NLGN4Y: variants seen among roughly 807,000 people sequenced by gnomAD.
NLGN4Y encodes neuroligin 4 Y-linked.
In NLGN4Y, 4 loss-of-function variants were observed where a neutral mutation model predicts 8.4. The observed-to-expected ratio is 0.48, with a 90% CI of 0.23 to 1.09. The LOEUF is 1.09. NLGN4Y is among the 50% of genes least tolerant of loss of function. The probability of loss-of-function intolerance (pLI) is 0.19; values close to 1 mark genes in which losing one functional copy is unlikely to be tolerated. For synonymous variants in NLGN4Y, 35 were observed against 75.6 expected, an observed-to-expected ratio of 0.46 and a Z score of 2.78; for missense variants, 90 against 192.3, an observed-to-expected ratio of 0.47 and a Z score of 3.15.
At chrY:14,809,931 A>G in intron 4 of NLGN4Y, among the ~76,000 whole-genome samples, 2 of 33,658 alleles carry the variant, frequency 5.9e-5, no homozygotes, top group South Asian at 6.7e-4. Flanking sequence ...AAAGATTTTC[A>G]TAGAAAAACC....
chrY:14,549,993 G>A, intron 1 of NLGN4Y, among the ~76,000 whole-genome samples: 1 of 33,724 alleles, frequency 3.0e-5, no homozygotes, highest in Non-Finnish European at 7.4e-5. Context: ...CGTTACATCC[G>A]GTGATGCATA....
intron 1 of NLGN4Y, among the ~76,000 whole-genome samples, chrY:14,567,966 T>C (rs755196929): frequency 3.0e-5 from 1 of 33,053 alleles, no homozygotes; most frequent in East Asian, 8.1e-4. Context: ...TGTTCTGTTT[T>C]CTTTCTTTTT....
intron 4 of NLGN4Y, among the ~76,000 whole-genome samples, chrY:14,768,817 G>A (rs2081099265): frequency 3.0e-5 from 1 of 33,893 alleles, no homozygotes; most frequent in Non-Finnish European, 7.3e-5. Context: ...ATGCATGACA[G>A]ATAATACTTA....
intron 2 of NLGN4Y, among the ~76,000 whole-genome samples, chrY:14,681,673 C>T (rs2080770924): frequency 3.0e-5 from 1 of 33,890 alleles, no homozygotes; most frequent in East Asian, 7.9e-4. Flanking sequence ...ATGTCATTGG[C>T]TAGGATCAGC....
At chrY:14,839,530 G>A (rs759820517) in intron 6 of NLGN4Y, among the ~76,000 whole-genome samples, 1 of 32,909 alleles carries the variant, frequency 3.0e-5, no homozygotes, top group African/African-American at 1.2e-4. Context: ...GTTTCTGGGT[G>A]TCTTATTTAT....
At chrY:14,756,074 T>C (rs775989431) in intron 4 of NLGN4Y, among the ~76,000 whole-genome samples, 1 of 33,895 alleles carries the variant, frequency 3.0e-5, no homozygotes, top group East Asian at 7.8e-4. Context: ...TACTTGCTGT[T>C]AGTACCTTTC....
chrY:14,713,341 T>C, intron 2 of NLGN4Y, among the ~76,000 whole-genome samples: 1 of 34,145 alleles, frequency 2.9e-5, no homozygotes, highest in Non-Finnish European at 7.3e-5. Flanking sequence ...AATTAATATA[T>C]ATTATAAACA....
intron 4 of NLGN4Y, among the ~76,000 whole-genome samples, chrY:14,735,154 G>T: frequency 2.9e-5 from 1 of 33,968 alleles, no homozygotes; most frequent in African/African-American, 1.1e-4. Flanking sequence ...ATTTGACTTG[G>T]TTTATATAGT....
Position 14,841,548 on chromosome Y carries a change from A to G in NLGN4Y, c.*286A>G, listed in dbSNP as rs1190681570. The G allele has an allele frequency of 2.2e-5, 3 of 134,717 alleles. No individual in the cohort carries two copies. Among genetic ancestry groups the G allele is most frequent in the Non-Finnish European group, 4.6e-5 (3 of 64,778 alleles). The allele number at this position is 134,717 out of a possible 400,897, so 33.6% of individuals were successfully genotyped here. A position where few individuals can be genotyped will look rare whatever the true frequency, so the allele number is the denominator to read the frequency against. On this transcript the variant is annotated 3_prime_UTR_variant, in exon 7 of 7. Transcript: ENST00000684976. ...AACAGATGTTTCGTGTGACTAGGACATCACCATTTCAAGGAACTGTGTGTT... is the reference window on the plus strand; with the variant it reads ...AACAGATGTTTCGTGTGACTAGGACGTCACCATTTCAAGGAACTGTGTGTT...
At chrY:14,678,358 G>T (rs541501831) in intron 2 of NLGN4Y, among the ~76,000 whole-genome samples, 2 of 33,407 alleles carry the variant, frequency 6.0e-5, no homozygotes, top group African/African-American at 2.3e-4. Flanking sequence ...TTCTTCTCAT[G>T]CATTGATAAT....
intron 4 of NLGN4Y, among the ~76,000 whole-genome samples, chrY:14,787,407 G>A (rs761011665): frequency 2.7e-4 from 9 of 32,960 alleles, no homozygotes; most frequent in Non-Finnish European, 6.7e-4. Flanking sequence ...CTGAATGTCA[G>A]TGCTAGAGCA....
At chrY:14,688,094 G>A (rs2080798111) in intron 2 of NLGN4Y, among the ~76,000 whole-genome samples, 1 of 33,558 alleles carries the variant, frequency 3.0e-5, no homozygotes, top group Non-Finnish European at 7.4e-5. Flanking sequence ...AGAAGGTAGA[G>A]GTGATCACAG....
At chrY:14,664,316 G>A (rs2080685402) in intron 2 of NLGN4Y, among the ~76,000 whole-genome samples, 1 of 32,767 alleles carries the variant, frequency 3.1e-5, no homozygotes, top group Non-Finnish European at 7.5e-5. Context: ...AGATTGCTTT[G>A]CCAACTGTCC....
intron 4 of NLGN4Y, among the ~76,000 whole-genome samples, chrY:14,769,436 G>T (rs2150572638): frequency 3.1e-5 from 1 of 32,667 alleles, no homozygotes; most frequent in East Asian, 8.1e-4. Context: ...CACCTCACCT[G>T]GGAAGAGAAA....
intron 2 of NLGN4Y, among the ~76,000 whole-genome samples, chrY:14,649,279 A>G: frequency 3.0e-5 from 1 of 33,349 alleles, no homozygotes; most frequent in Non-Finnish European, 7.4e-5. Context: ...AAAAATAAAG[A>G]CAAATTAAGC....
At chrY:14,635,419 C>T in intron 2 of NLGN4Y, among the ~76,000 whole-genome samples, 1 of 32,757 alleles carries the variant, frequency 3.1e-5, no homozygotes, top group Non-Finnish European at 7.5e-5. Flanking sequence ...TGATATGTGA[C>T]CCAACTAAAC....
chrY:14,637,905 C>A (rs2080573254), intron 2 of NLGN4Y, among the ~76,000 whole-genome samples: 1 of 21,564 alleles, frequency 4.6e-5, no homozygotes, highest in Non-Finnish European at 1.0e-4. Flanking sequence ...ATTTGTATTT[C>A]ATTTAAGTGC....
At chrY:14,630,452 G>C in intron 2 of NLGN4Y, among the ~76,000 whole-genome samples, 1 of 33,359 alleles carries the variant, frequency 3.0e-5, no homozygotes, top group African/African-American at 1.2e-4. Flanking sequence ...CTGTCTCTTG[G>C]AAGAAACTTT....
At chrY:14,767,830 CA>C (rs2081096588) in intron 4 of NLGN4Y, among the ~76,000 whole-genome samples, 1 of 33,797 alleles carries the variant, frequency 3.0e-5, no homozygotes, top group Non-Finnish European at 7.4e-5. Context: ...TATCAAGGTA[CA>C]AAAATCCAGA....
Sources: gnomAD v4.1 joint callset for allele counts (sites outside exome capture counted in the v4.1 genomes callset) on GRCh38, gnomAD v4.1.1 for gene constraint, MANE v1.5 for transcripts, NCBI Gene and HGNC (gene_info 2026-07-23, HGNC 2026-07-21) for gene names.